Variants in RNF145 observed in about 807,000 individuals in gnomAD.
The protein encoded by RNF145 is ring finger protein 145.
RNF145 carries 12 observed loss-of-function variants against 57.3 expected under a neutral mutation model. The observed-to-expected ratio is 0.21, with a 90% CI of 0.13 to 0.34. The LOEUF is 0.34. Ranked by LOEUF, RNF145 falls within the 10% of genes least tolerant of loss-of-function variation. The pLI is 1.00. For missense variants in RNF145, 429 were observed against 799.0 expected (o/e 0.54, Z 5.58); for synonymous variants, 262 against 288.3 (o/e 0.91, Z 0.92).
intron 3 of RNF145, among the ~76,000 whole-genome samples, chr5:159,182,361 C>G (rs1784921045): frequency 6.6e-6 from 1 of 152,020 alleles, no homozygotes; most frequent in African/African-American, 2.4e-5. Context: ...GCTGATCTCT[C>G]TCAACTCTAC....
At chr5:159,174,784 TA>T (rs369542508) in intron 5 of RNF145, among the ~76,000 whole-genome samples, 2,838 of 143,402 alleles carry the variant, frequency 0.02, 35 homozygotes, top group African/African-American at 0.043. Flanking sequence ...GGATATATCT[TA>T]AAAAAAAAAA....
intron 1 of RNF145, chr5:159,208,277 G>A (rs1356895349): frequency 3.5e-6 from 2 of 569,860 alleles, no homozygotes; most frequent in African/African-American, 3.9e-5. Context: ...AACTCTTCCA[G>A]GAAAGAGGCT....
intron 4 of RNF145, among the ~76,000 whole-genome samples, chr5:159,178,533 T>G (rs1011725897): frequency 6.6e-6 from 1 of 152,062 alleles, no homozygotes; most frequent in Non-Finnish European, 1.5e-5. Flanking sequence ...TTAGAATAAT[T>G]AATCATATTC....
At chr5:159,175,617 T>A (rs538138503) in intron 5 of RNF145, among the ~76,000 whole-genome samples, 1 of 152,146 alleles carries the variant, frequency 6.6e-6, no homozygotes, top group East Asian at 1.9e-4. Flanking sequence ...TGCTTCCCCA[T>A]GAAGCCACTC....
chr5:159,196,764 T>C (rs994837602), intron 2 of RNF145, among the ~76,000 whole-genome samples: 2 of 152,250 alleles, frequency 1.3e-5, no homozygotes, highest in African/African-American at 4.8e-5. Context: ...TTAAAGGATA[T>C]GTAATATAGT....
intron 7 of RNF145, among the ~76,000 whole-genome samples, chr5:159,169,415 A>T (rs1784478441): frequency 6.6e-6 from 1 of 152,236 alleles, no homozygotes; most frequent in South Asian, 2.1e-4. Context: ...GGGAAAAAGC[A>T]CGCTTCTGAA....
intron 2 of RNF145, 140 bp downstream of exon 2, chr5:159,203,294 A>AC (rs1785736662): frequency 3.2e-6 from 2 of 620,814 alleles, no homozygotes; most frequent in Non-Finnish European, 5.7e-6. Context: ...AAAACTATCA[A>AC]GATTCATAAA....
At chr5:159,207,440 C>A (rs1272675346) in intron 1 of RNF145, 3 of 1,308,072 alleles carry the variant, frequency 2.3e-6, no homozygotes, top group African/African-American at 2.9e-5. Context: ...TCTACACCTT[C>A]CCCCTAAAAA....
intron 1 of RNF145, among the ~76,000 whole-genome samples, chr5:159,205,271 T>C (rs1785835998): frequency 6.6e-6 from 1 of 152,190 alleles, no homozygotes; most frequent in Admixed American, 6.5e-5. Flanking sequence ...TTTCATAATT[T>C]TCCTACATAA....
intron 4 of RNF145, among the ~76,000 whole-genome samples, chr5:159,177,265 T>C (rs1784748489): frequency 6.6e-6 from 1 of 152,104 alleles, no homozygotes; most frequent in South Asian, 2.1e-4. Flanking sequence ...AAGCATAAAA[T>C]CCAAGAGATA....
chr5:159,158,493 CAAT>C lies in RNF145; in HGVS notation c.*174_*176del. The stretch of plus-strand genomic sequence containing the variant: ...AGCATACATTGCAAAATTTCTCCCA[CAAT>C]GTCAGGGGATGAAAGCAGGTGGTCC... On this transcript the variant is annotated 3_prime_UTR_variant, in exon 11 of 11. Transcript: ENST00000424310. 5.5e-6 allele frequency: 4 copies of C among 724,738 alleles called. No homozygotes were observed. The highest frequency in any genetic ancestry group is 8.9e-6 in the Non-Finnish European group (4 of 448,134). 44.9% of individuals were successfully genotyped at this position (724,738 alleles called of 1,614,324 possible). A position where few individuals can be genotyped will look rare whatever the true frequency, so the allele number is the denominator to read the frequency against.
chr5:159,162,124 A>G (rs1357633407), intron 9 of RNF145, among the ~76,000 whole-genome samples: 1 of 152,174 alleles, frequency 6.6e-6, no homozygotes, highest in Non-Finnish European at 1.5e-5. Context: ...TTCTAGGGCA[A>G]TATTTTGTGT....
At chr5:159,162,270 A>G (rs953742340) in intron 9 of RNF145, among the ~76,000 whole-genome samples, 2 of 152,232 alleles carry the variant, frequency 1.3e-5, no homozygotes, top group Non-Finnish European at 2.9e-5. Flanking sequence ...AATAAGCTCT[A>G]ACACAAGCTC....
chr5:159,182,359 C>G (rs1784920860), intron 3 of RNF145, among the ~76,000 whole-genome samples: 1 of 152,008 alleles, frequency 6.6e-6, no homozygotes, highest in African/African-American at 2.4e-5. Flanking sequence ...GAGCTGATCT[C>G]TCTCAACTCT....
At chr5:159,206,163 AT>A (rs1785873051) in intron 1 of RNF145, among the ~76,000 whole-genome samples, 1 of 152,192 alleles carries the variant, frequency 6.6e-6, no homozygotes, top group South Asian at 2.1e-4. Flanking sequence ...AAAAAACAAT[AT>A]CCAAGATCCC....
rs147839706 is a variant in RNF145 at position 159,192,666 on chromosome 5, A to G, written c.293+2050T>C. On this transcript the variant is annotated intron_variant, in intron 3 of 10. Coordinates refer to ENST00000424310, the MANE Select transcript of RNF145 (RefSeq NM_001199383.2). ...TCAGAAACTGTGGTAAGAGCTTTAT[A>G]TACCTTATCTTATTTGATCTTACAA... Among the ~76,000 whole-genome samples the G allele has an allele frequency of 8.6e-3, 1,311 of 152,334 alleles. 16 individuals are homozygous for G. The highest frequency in any genetic ancestry group is 0.029 in the African/African-American group (1,190 of 41,578).
chr5:159,190,675 C>T (rs1210695597), intron 3 of RNF145, among the ~76,000 whole-genome samples: 1 of 99,770 alleles, frequency 1.0e-5, no homozygotes, highest in Non-Finnish European at 1.9e-5. Context: ...ACAGTGACAA[C>T]CATCTCAAAA....
At chr5:159,179,842 A>AT (rs1384330378) in intron 4 of RNF145, among the ~76,000 whole-genome samples, 1 of 152,164 alleles carries the variant, frequency 6.6e-6, no homozygotes, top group Non-Finnish European at 1.5e-5. Flanking sequence ...GGCAAGTCCC[A>AT]TAACTTTTCT....
chr5:159,209,604 G>T, upstream of RNF145: 2 of 1,059,522 alleles, frequency 1.9e-6, no homozygotes, highest in East Asian at 5.7e-5. Flanking sequence ...GGCCCAGCCA[G>T]CGCGGCGCGC....
Sources: allele counts gnomAD v4.1 joint callset (sites outside exome capture counted in the v4.1 genomes callset), GRCh38; gene constraint gnomAD v4.1.1; transcripts MANE v1.5; gene names NCBI Gene and HGNC (gene_info 2026-07-23, HGNC 2026-07-21).